CDH7: variants seen among roughly 807,000 people sequenced by gnomAD.
The protein encoded by CDH7 is cadherin-7.
In CDH7, 25 loss-of-function variants were observed where a neutral mutation model predicts 71.8. That is an observed-to-expected ratio of 0.35 (90% CI 0.25 to 0.49). The LOEUF is 0.49. Ranked by LOEUF, CDH7 falls within the 20% of genes least tolerant of loss-of-function variation. The probability of loss-of-function intolerance (pLI) is 0.99; values close to 1 mark genes in which losing one functional copy is unlikely to be tolerated. For synonymous variants in CDH7, 381 were observed against 363.8 expected, an observed-to-expected ratio of 1.05 and a Z score of -0.54; for missense variants, 862 against 974.6, an observed-to-expected ratio of 0.88 and a Z score of 1.54.
Position 65,881,101 on chromosome 18 carries a change from C to A in CDH7, c.*207C>A. 1 of 475,838 alleles carries A rather than the reference C, an allele frequency of 2.1e-6. No homozygotes were observed. The highest frequency in any genetic ancestry group is 3.6e-6 in the Non-Finnish European group (1 of 276,630). The allele number at this position is 475,838 out of a possible 1,614,324, so 29.5% of individuals were successfully genotyped here. A position where few individuals can be genotyped will look rare whatever the true frequency, so the allele number is the denominator to read the frequency against. On this transcript the variant is annotated 3_prime_UTR_variant, in exon 12 of 12. Transcript: ENST00000397968. The stretch of plus-strand genomic sequence containing the variant: ...CATTAGACTTATCTAAAGGACTGCA[C>A]TGACCACAGACTCTGAGCATTTGAA...
At chr18:65,853,956 T>C (rs1471279415) in intron 7 of CDH7, among the ~76,000 whole-genome samples, 1 of 105,914 alleles carries the variant, frequency 9.4e-6, no homozygotes, top group African/African-American at 3.3e-5. Flanking sequence ...TATATATATA[T>C]GCTATTTAGT....
chr18:65,828,285 G>A (rs1011010011), intron 6 of CDH7, among the ~76,000 whole-genome samples: 1 of 152,050 alleles, frequency 6.6e-6, no homozygotes, highest in South Asian at 2.1e-4. Flanking sequence ...GCGTTTTACT[G>A]CAGTTTAAGC....
At chr18:65,818,486 T>C (rs1911801852) in intron 4 of CDH7, among the ~76,000 whole-genome samples, 1 of 152,276 alleles carries the variant, frequency 6.6e-6, no homozygotes, top group Admixed American at 6.5e-5. Flanking sequence ...TATTCAATCG[T>C]GTCTTTAATA....
chr18:65,802,601 T>C (rs1434104498), intron 2 of CDH7, among the ~76,000 whole-genome samples: 1 of 152,178 alleles, frequency 6.6e-6, no homozygotes, highest in East Asian at 1.9e-4. Context: ...TCATGGAGTT[T>C]ACAACTAAGA....
At chr18:65,857,297 A>G (rs1225747512) in intron 7 of CDH7, among the ~76,000 whole-genome samples, 2 of 146,532 alleles carry the variant, frequency 1.4e-5, no homozygotes, top group Non-Finnish European at 3.0e-5. Flanking sequence ...AGCCTGAGGA[A>G]TATAGCAAGA....
intron 6 of CDH7, among the ~76,000 whole-genome samples, chr18:65,831,048 G>A (rs1353145880): frequency 6.6e-6 from 1 of 151,914 alleles, no homozygotes; most frequent in Non-Finnish European, 1.5e-5. Flanking sequence ...CTTACACTCA[G>A]GGAATAAGAC....
chr18:65,764,078 C>T (rs930123647), intron 2 of CDH7, among the ~76,000 whole-genome samples: 1 of 152,028 alleles, frequency 6.6e-6, no homozygotes, highest in African/African-American at 2.4e-5. Context: ...TGAAGCATAG[C>T]TACCTACTGA....
intron 2 of CDH7, among the ~76,000 whole-genome samples, chr18:65,789,012 A>C (rs1007745109): frequency 6.6e-5 from 10 of 152,252 alleles, no homozygotes; most frequent in Non-Finnish European, 1.5e-4. Flanking sequence ...CTCTTTAAAC[A>C]AATATTTATA....
intron 2 of CDH7, among the ~76,000 whole-genome samples, chr18:65,774,219 C>T (rs544289258): frequency 2.0e-5 from 3 of 151,868 alleles, no homozygotes; most frequent in East Asian, 3.9e-4. Context: ...ATATTATGAT[C>T]ATCTCTTGAG....
chr18:65,817,957 T>G (rs187153609), intron 4 of CDH7, among the ~76,000 whole-genome samples: 13 of 152,332 alleles, frequency 8.5e-5, no homozygotes, highest in Non-Finnish European at 1.8e-4. Flanking sequence ...AATTTGAAAC[T>G]TCTTTGTTCA....
intron 7 of CDH7, among the ~76,000 whole-genome samples, chr18:65,850,902 T>C (rs1256666799): frequency 6.6e-6 from 1 of 151,386 alleles, no homozygotes; most frequent in Non-Finnish European, 1.5e-5. Flanking sequence ...ACTTCCGCCT[T>C]CTGGGCTCAG....
chr18:65,878,279 G>A (rs1454368964), intron 11 of CDH7, among the ~76,000 whole-genome samples: 1 of 152,118 alleles, frequency 6.6e-6, no homozygotes, highest in East Asian at 1.9e-4. Context: ...ATAAGTAACT[G>A]GGATTCTGCT....
chr18:65,872,714 T>C (rs1282240575), intron 11 of CDH7, among the ~76,000 whole-genome samples: 1 of 151,766 alleles, frequency 6.6e-6, no homozygotes, highest in Non-Finnish European at 1.5e-5. Context: ...GATCAACAAA[T>C]GAGACCTCTT....
intron 2 of CDH7, among the ~76,000 whole-genome samples, chr18:65,806,533 G>C (rs547183804): frequency 6.6e-6 from 1 of 152,096 alleles, no homozygotes; most frequent in Non-Finnish European, 1.5e-5. Context: ...CGTTTATTTT[G>C]TTTATGTACT....
In CDH7 at chr18:65,862,896, G is replaced by A. The variant is rs143680491; in HGVS notation, c.1843G>A (p.Ala615Thr). 21 of 1,614,010 alleles carry A rather than the reference G, an allele frequency of 1.3e-5. No homozygotes were observed. Among genetic ancestry groups the A allele is most frequent in the Admixed American group, 5.0e-5 (3 of 59,996 alleles). Residue 615 changes from alanine (A) to threonine (T), a missense_variant, in exon 11 of 12, where the codon GCC becomes ACC. Ala to Thr is a moderately conservative substitution (Grantham distance 58). Coordinates refer to ENST00000397968, the MANE Select transcript of CDH7 (RefSeq NM_004361.5). ...LSTGALIAIL[A>T]CVLTLLVLIL... is the part of the protein sequence containing the mutation. ...TACAGGAGCCCTGATAGCCATACTC[G>A]CCTGTGTCTTGACATTATTGGGTAG...
At chr18:65,843,730 T>C in intron 6 of CDH7, 82 bp from the exon 7 acceptor site, 2 of 1,288,488 alleles carry the variant, frequency 1.6e-6, no homozygotes, top group Non-Finnish European at 2.1e-6. Flanking sequence ...TTCCTAAGCT[T>C]ATTGACATTC....
intron 2 of CDH7, among the ~76,000 whole-genome samples, chr18:65,781,397 T>C (rs1910180694): frequency 6.6e-6 from 1 of 152,202 alleles, no homozygotes; most frequent in South Asian, 2.1e-4. Context: ...AAATTTTATG[T>C]TTTAAATAGC....
chr18:65,786,063 T>C (rs1455610378), intron 2 of CDH7, among the ~76,000 whole-genome samples: 2 of 152,190 alleles, frequency 1.3e-5, no homozygotes, highest in African/African-American at 4.8e-5. Flanking sequence ...TGGTAGTGAT[T>C]GATCTGAGCT....
At chr18:65,766,781 A>T (rs2143797241) in intron 2 of CDH7, among the ~76,000 whole-genome samples, 1 of 150,548 alleles carries the variant, frequency 6.6e-6, no homozygotes, top group African/African-American at 2.4e-5. Flanking sequence ...AGTACATAGG[A>T]GGTCCCAGTT....
Sources: allele counts gnomAD v4.1 joint callset (sites outside exome capture counted in the v4.1 genomes callset), GRCh38; gene constraint gnomAD v4.1.1; transcripts MANE v1.5; gene names NCBI Gene and HGNC (gene_info 2026-07-23, HGNC 2026-07-21).